E2F5: variants seen among roughly 807,000 people sequenced by gnomAD.
E2F5 encodes the protein transcription factor E2F5.
In E2F5, 23 loss-of-function variants were observed where a neutral mutation model predicts 39.1. That is an observed-to-expected ratio of 0.59 (90% CI 0.42 to 0.83). E2F5 has a LOEUF of 0.83. Ranked by LOEUF, E2F5 falls within the 40% of genes least tolerant of loss-of-function variation. The pLI is 0.00. For missense variants in E2F5, 365 were observed against 406.7 expected (o/e 0.90, Z 0.88); for synonymous variants, 145 against 157.8 (o/e 0.92, Z 0.61).
chr8:85,180,816 T>A (rs1242298622), intron 1 of E2F5, among the ~76,000 whole-genome samples: 2 of 151,666 alleles, frequency 1.3e-5, no homozygotes, highest in Admixed American at 6.6e-5. Flanking sequence ...TCTGACCTCG[T>A]GATCCGCCCG....
intron 6 of E2F5, among the ~76,000 whole-genome samples, chr8:85,210,156 T>C (rs1309628406): frequency 6.6e-6 from 1 of 152,230 alleles, no homozygotes; most frequent in Non-Finnish European, 1.5e-5. Context: ...GGTGCCAATA[T>C]AGACATCATA....
Position 85,197,838 on chromosome 8 carries a change from T to G in E2F5, c.235-4309T>G, listed in dbSNP as rs1024218370. Among the ~76,000 whole-genome samples, 3 of 152,204 alleles carry G rather than the reference T, an allele frequency of 2.0e-5. No homozygotes were observed. The East Asian group carries it at 5.8e-4, about 29-fold the overall frequency. ...TTGCTCTCCACCTACCCCTTGTCTG[T>G]ACCCAGGCAACTGTCCAGGGCTGGA... On this transcript the variant is annotated intron_variant, in intron 1 of 7. Transcript: ENST00000416274.
At chr8:85,183,068 G>A (rs1031428976) in intron 1 of E2F5, among the ~76,000 whole-genome samples, 1 of 152,078 alleles carries the variant, frequency 6.6e-6, no homozygotes. Context: ...TGGCTAACAC[G>A]GTGAAACCCC....
chr8:85,201,177 A>G (rs1311224788), intron 1 of E2F5, among the ~76,000 whole-genome samples: 5 of 152,218 alleles, frequency 3.3e-5, no homozygotes, highest in Non-Finnish European at 7.3e-5. Flanking sequence ...CACAGAATCA[A>G]GAAAGTAGTG....
chr8:85,204,283 G>T (rs1415746088), intron 3 of E2F5, among the ~76,000 whole-genome samples: 1 of 152,002 alleles, frequency 6.6e-6, no homozygotes, highest in Non-Finnish European at 1.5e-5. Context: ...AAAGTTTTCT[G>T]TATATTATGG....
chr8:85,189,928 C>T (rs1448481796), intron 1 of E2F5, among the ~76,000 whole-genome samples: 1 of 152,128 alleles, frequency 6.6e-6, no homozygotes, highest in Admixed American at 6.5e-5. Flanking sequence ...AAGCACCTAC[C>T]TGAGCCTTAC....
chr8:85,193,996 A>G (rs900326259), intron 1 of E2F5, among the ~76,000 whole-genome samples: 12 of 152,070 alleles, frequency 7.9e-5, no homozygotes, highest in Non-Finnish European at 1.2e-4. Context: ...TTATTCCTTT[A>G]TTAACTCATT....
At position 85,213,754 on chromosome 8, in the gene E2F5, G is replaced by A. The variant is rs1813012388; in HGVS notation, c.933G>A (p.Val311=). The change falls in exon 8 of 8, where the codon GTG becomes GTA. Residue 311 remains valine (V), a splice_region_variant and synonymous_variant. Transcript: ENST00000416274. ...ACTAAATTTGTTTTTTGTTCGCAGT[G>A]TTTCCTCTCTTAAGGCTTTCTCCTA... ...DIIDELMSSD[V]FPLLRLSPTP... 1 of 1,596,424 alleles carries A rather than the reference G, an allele frequency of 6.3e-7. No individual in the cohort carries two copies.
intron 1 of E2F5, among the ~76,000 whole-genome samples, chr8:85,185,836 G>C (rs550324320): frequency 6.6e-6 from 1 of 152,152 alleles, no homozygotes; most frequent in Non-Finnish European, 1.5e-5. Flanking sequence ...TTACAATGGC[G>C]ATCATTAAAA....
intron 1 of E2F5, among the ~76,000 whole-genome samples, chr8:85,178,767 G>C: frequency 6.6e-6 from 1 of 152,266 alleles, no homozygotes; most frequent in South Asian, 2.1e-4. Context: ...ACCAAGACTT[G>C]CAGGGGCCAA....
chr8:85,201,538 G>A (rs1207372197), intron 1 of E2F5, among the ~76,000 whole-genome samples: 3 of 152,182 alleles, frequency 2.0e-5, no homozygotes, highest in Non-Finnish European at 4.4e-5. Context: ...CCAAGTTTTT[G>A]TATAATAGTT....
intron 1 of E2F5, among the ~76,000 whole-genome samples, chr8:85,183,863 G>A (rs1202388894): frequency 1.3e-5 from 2 of 152,232 alleles, no homozygotes; most frequent in Admixed American, 6.5e-5. Context: ...TTGGGGATAG[G>A]GCCTTTGAAA....
rs1587476468 is a variant in E2F5 at position 85,177,601 on chromosome 8, A to C, written c.181A>C (p.Lys61Gln). 1 of 1,295,806 alleles carries C rather than the reference A, an allele frequency of 7.7e-7. No homozygotes were observed. 80.3% of individuals were successfully genotyped at this position (1,295,806 alleles called of 1,614,324 possible). A position where few individuals can be genotyped will look rare whatever the true frequency, so the allele number is the denominator to read the frequency against. ...GAAGAGCCTGGGGCTGCTCACTACC[A>C]AGTTCGTGTCGCTGCTGCAGGAGGC... ...HEKSLGLLTT[K>Q]FVSLLQEAKD... is the part of the protein sequence containing the mutation. The change falls in exon 1 of 8, where the codon AAG (lysine) becomes CAG (glutamine). Residue 61 changes from lysine (K) to glutamine (Q), a missense_variant. Transcript: ENST00000416274.
rs1378605489 is a variant in E2F5, at chr8:85,214,285, T to C, written c.*423T>C. The C allele has an allele frequency of 8.7e-6, 5 of 573,496 alleles. No individual in the cohort carries two copies. Among genetic ancestry groups the C allele is most frequent in the Non-Finnish European group, 1.6e-5 (5 of 313,628 alleles). The allele number at this position is 573,496 out of a possible 1,614,324, so 35.5% of individuals were successfully genotyped here. A position where few individuals can be genotyped will look rare whatever the true frequency, so the allele number is the denominator to read the frequency against. On this transcript the variant is annotated 3_prime_UTR_variant, in exon 8 of 8. Transcript: ENST00000416274. ...TATGTCCTTCTATCCAAACAGACGT[T>C]CACTGCCACTTGTAAAGTGAAGGAT...
intron 1 of E2F5, among the ~76,000 whole-genome samples, chr8:85,192,594 CA>C (rs1364588513): frequency 2.6e-5 from 4 of 152,138 alleles, no homozygotes; most frequent in Non-Finnish European, 5.9e-5. Flanking sequence ...ACAGAGGATG[CA>C]ACAGGACTTA....
At chr8:85,189,335 A>G (rs1051131207) in intron 1 of E2F5, among the ~76,000 whole-genome samples, 2 of 152,096 alleles carry the variant, frequency 1.3e-5, no homozygotes, top group African/African-American at 4.8e-5. Context: ...GCAACTTTTT[A>G]TAGCTGAGAT....
intron 1 of E2F5, among the ~76,000 whole-genome samples, chr8:85,187,993 G>A (rs536890082): frequency 7.9e-5 from 12 of 152,074 alleles, no homozygotes; most frequent in African/African-American, 2.9e-4. Flanking sequence ...CTTACAATGC[G>A]GTATTTTAAG....
At chr8:85,184,380 C>T (rs1812282822) in intron 1 of E2F5, among the ~76,000 whole-genome samples, 1 of 152,168 alleles carries the variant, frequency 6.6e-6, no homozygotes, top group East Asian at 1.9e-4. Flanking sequence ...AATAATAAGG[C>T]TATTTATGAC....
chr8:85,189,938 C>A (rs1245137850), intron 1 of E2F5, among the ~76,000 whole-genome samples: 2 of 152,126 alleles, frequency 1.3e-5, no homozygotes, highest in African/African-American at 4.8e-5. Flanking sequence ...CTGAGCCTTA[C>A]GCTTCAGGGA....
Sources: gnomAD v4.1 joint callset for allele counts (sites outside exome capture counted in the v4.1 genomes callset) on GRCh38, gnomAD v4.1.1 for gene constraint, MANE v1.5 for transcripts, NCBI Gene and HGNC (gene_info 2026-07-23, HGNC 2026-07-21) for gene names.